Variants in ETV5 observed in about 807,000 individuals in gnomAD.
The protein encoded by ETV5 is ETS variant transcription factor 5.
Under a neutral mutation model 70.0 loss-of-function variants are expected in ETV5, and 10 were observed. The observed-to-expected ratio is 0.14, with a 90% confidence interval of 0.09 to 0.24. ETV5 has a LOEUF of 0.24. Ranked by LOEUF, ETV5 falls within the 10% of genes least tolerant of loss-of-function variation. The pLI is 1.00. For missense variants in ETV5, 453 were observed against 651.2 expected (o/e 0.70, Z 3.31); for synonymous variants, 216 against 242.2 (o/e 0.89, Z 1.01).
chr3:186,100,287 C>T (rs770221908), intron 5 of ETV5, among the ~76,000 whole-genome samples: 1 of 152,032 alleles, frequency 6.6e-6, no homozygotes, highest in African/African-American at 2.4e-5. Context: ...CCTTGTTTTC[C>T]CTCAAACCTC....
intron 9 of ETV5, among the ~76,000 whole-genome samples, chr3:186,062,363 T>C (rs148610994): frequency 7.4e-4 from 113 of 152,254 alleles, no homozygotes; most frequent in Non-Finnish European, 1.4e-3. Context: ...ATGGGGCAAA[T>C]AGAAACATCT....
chr3:186,054,872 G>A lies in ETV5; in HGVS notation c.1209+2203C>T, dbSNP rs538792064. On this transcript the variant is annotated intron_variant, in intron 11 of 12. Transcript: ENST00000306376. The surrounding 1 kb of genome is among the most constrained non-coding windows in gnomAD (Gnocchi z 4.4). ...TAACGTGCACATGTGGCACCCAACT[G>A]ATCCTGGGTGAAGAGAAAGGAACAT... is the stretch of plus-strand genomic sequence containing the variant. Among the ~76,000 whole-genome samples, 1 of 152,282 alleles carries A rather than the reference G, an allele frequency of 6.6e-6. No individual in the cohort carries two copies. The highest frequency in any genetic ancestry group is 2.1e-4 in the South Asian group (1 of 4,828).
Position 186,054,898 on chromosome 3 carries a change from T to C in ETV5, c.1209+2177A>G, listed in dbSNP as rs1259902776. ...ATCCTGGGTGAAGAGAAAGGAACAT[T>C]TGGAGCTTAGGGAAAGCTTGGGGAC... On this transcript the variant is annotated intron_variant, in intron 11 of 12. Coordinates refer to ENST00000306376, the MANE Select transcript of ETV5 (RefSeq NM_004454.3). The surrounding 1 kb of genome is among the most constrained non-coding windows in gnomAD (Gnocchi z 4.4). Among the ~76,000 whole-genome samples the C allele has an allele frequency of 2.6e-5, 4 of 152,172 alleles. No individual in the cohort carries two copies. In the Middle Eastern group the frequency reaches 0.01, roughly 388 times the overall value.
intron 5 of ETV5, among the ~76,000 whole-genome samples, chr3:186,095,912 T>C (rs1714291759): frequency 6.6e-6 from 1 of 152,166 alleles, no homozygotes; most frequent in Admixed American, 6.5e-5. Flanking sequence ...GCGGGCTGTA[T>C]GCACCAGGTG....
Position 186,065,896 on chromosome 3 carries a change from G to C in ETV5, c.827C>G (p.Pro276Arg). 6.2e-7 allele frequency: 1 copy of C among 1,613,828 alleles called. No individual in the cohort carries two copies. Among genetic ancestry groups the C allele is most frequent in the Non-Finnish European group, 8.5e-7 (1 of 1,179,928 alleles). ...GTGTGCTGGGGGCCCTGGCATGCCC[G>C]GGACCCCATGTTCATAGAGTGGGTC... is the stretch of plus-strand genomic sequence containing the variant. ...YHDPLYEHGV[P>R]GMPGPPAHGF... Residue 276 changes from proline (P) to arginine (R), a missense_variant, in exon 8 of 13, where the codon CCG becomes CGG. Transcript: ENST00000306376.
intron 5 of ETV5, among the ~76,000 whole-genome samples, chr3:186,086,584 C>T (rs1714062717): frequency 1.3e-5 from 2 of 152,072 alleles, no homozygotes; most frequent in Non-Finnish European, 2.9e-5. Context: ...GTAACTAAAA[C>T]AATGTGAAAT....
chr3:186,065,228 T>C (rs921972276), intron 8 of ETV5, among the ~76,000 whole-genome samples: 1 of 152,142 alleles, frequency 6.6e-6, no homozygotes, highest in Admixed American at 6.5e-5. Context: ...TGTCTTGCTT[T>C]AAGGGAGTGG....
Position 186,105,616 on chromosome 3 carries a change from C to G in ETV5, c.133+9G>C. 6.2e-7 allele frequency: 1 copy of G among 1,614,184 alleles called. No individual in the cohort carries two copies. Among genetic ancestry groups the G allele is most frequent in the Non-Finnish European group, 8.5e-7 (1 of 1,180,002 alleles). On this transcript the variant is annotated intron_variant, in intron 3 of 12. Transcript: ENST00000306376. The surrounding 1 kb of genome is among the most constrained non-coding windows in gnomAD (Gnocchi z 4.5). ...GAAGCCACAACATAATCAGGGAAAG[C>G]TTTACTACCTTCAGAATCGTGAGCC...
chr3:186,100,233 T>C (rs903847518), intron 5 of ETV5, among the ~76,000 whole-genome samples: 14 of 152,256 alleles, frequency 9.2e-5, no homozygotes, highest in Admixed American at 9.2e-4. Flanking sequence ...AGCATTCTTT[T>C]CTACCTTCAG....
chr3:186,084,193 G>A lies in ETV5; in HGVS notation c.233-3018C>T, dbSNP rs147202070. On this transcript the variant is annotated intron_variant, in intron 5 of 12. Transcript: ENST00000306376. ...CCTTTGCACAGCTGACTTGCTAAAT[G>A]ATGACAGAGACCCAGGACTATAAAG... 8.9e-6 allele frequency: 4 copies of A among 451,110 alleles called. No individual in the cohort carries two copies. In the East Asian group the frequency reaches 2.1e-4, roughly 24 times the overall value. The allele number at this position is 451,110 out of a possible 1,614,324, so 27.9% of individuals were successfully genotyped here.
At chr3:186,083,935 G>A (rs761685524) in intron 5 of ETV5, among the ~76,000 whole-genome samples, 51 of 152,204 alleles carry the variant, frequency 3.4e-4, no homozygotes, top group Non-Finnish European at 6.9e-4. Context: ...AGGTCTGTGG[G>A]ACTAGAGGAT....
Position 186,102,390 on chromosome 3 carries a change from T to C in ETV5, c.232+2915A>G, listed in dbSNP as rs547716159. The stretch of plus-strand genomic sequence containing the variant: ...GCTCACGCCTGTAATTCCAGCACTC[T>C]GGGAGGCTAAGGTGGGCGGATCACC... On this transcript the variant is annotated intron_variant, in intron 5 of 12. Transcript: ENST00000306376. 9.2e-5 allele frequency among the ~76,000 whole-genome samples: 14 copies of C among 152,208 alleles called. No individual in the cohort carries two copies. In the East Asian group the frequency reaches 2.5e-3, roughly 27 times the overall value.
chr3:186,048,573 A>G lies in ETV5; in HGVS notation c.*66T>C. ...AACAACCAAAAACACAAACAAAACCACTGCCCTTGTTTGCCTGAATGGGAA... is the reference window on the plus strand; with the variant it reads ...AACAACCAAAAACACAAACAAAACCGCTGCCCTTGTTTGCCTGAATGGGAA... On this transcript the variant is annotated 3_prime_UTR_variant, in exon 13 of 13. Transcript: ENST00000306376. The G allele has an allele frequency of 2.8e-6, 4 of 1,422,552 alleles. No individual in the cohort carries two copies. The highest frequency in any genetic ancestry group is 1.2e-5 in the South Asian group (1 of 85,130). 88.1% of individuals were successfully genotyped at this position (1,422,552 alleles called of 1,614,324 possible). A position where few individuals can be genotyped will look rare whatever the true frequency, so the allele number is the denominator to read the frequency against.
intron 7 of ETV5, among the ~76,000 whole-genome samples, chr3:186,073,041 A>G (rs558127714): frequency 5.9e-5 from 9 of 152,166 alleles, no homozygotes; most frequent in African/African-American, 2.2e-4. Context: ...CTAAGGCAGG[A>G]GAATCGTTTG....
intron 7 of ETV5, chr3:186,079,235 A>G (rs948620095): frequency 3.2e-6 from 1 of 314,448 alleles, no homozygotes. Context: ...TGACAAATGA[A>G]TGACTCTGGA....
At position 186,057,021 on chromosome 3, in the gene ETV5, C is replaced by T; in HGVS notation, c.1209+54G>A. ...CCTCAATGGAAATCTAAACAAAAAA[C>T]ATCATCAACAACAACAAATCAAAAC... On this transcript the variant is annotated intron_variant, in intron 11 of 12. Coordinates refer to ENST00000306376, the MANE Select transcript of ETV5 (RefSeq NM_004454.3). This position sits in a 1 kb window ranked among gnomAD's most constrained non-coding sequence, Gnocchi z 4.9. 1 of 1,580,220 alleles carries T rather than the reference C, an allele frequency of 6.3e-7. No individual in the cohort carries two copies. Among genetic ancestry groups the T allele is most frequent in the Non-Finnish European group, 8.6e-7 (1 of 1,158,378 alleles).
chr3:186,069,160 T>G (rs1713532306), intron 7 of ETV5, among the ~76,000 whole-genome samples: 1 of 152,206 alleles, frequency 6.6e-6, no homozygotes, highest in South Asian at 2.1e-4. Context: ...ATATACTGCC[T>G]TTACTACTCT....
intron 12 of ETV5, among the ~76,000 whole-genome samples, chr3:186,051,683 G>C (rs912381762): frequency 3.3e-5 from 5 of 152,208 alleles, no homozygotes; most frequent in Admixed American, 1.3e-4. Flanking sequence ...TTGAAGTAGA[G>C]ACCTTCAAGT....
intron 9 of ETV5, among the ~76,000 whole-genome samples, chr3:186,063,053 C>T (rs567532516): frequency 5.3e-5 from 8 of 152,250 alleles, no homozygotes; most frequent in African/African-American, 1.7e-4. Context: ...AGGTGGATCA[C>T]GAGGTCAGGA....
Sources: gnomAD v4.1 joint callset for allele counts (sites outside exome capture counted in the v4.1 genomes callset) on GRCh38, gnomAD v4.1.1 for gene constraint, Gnocchi (gnomAD v3.1) non-coding constraint, MANE v1.5 for transcripts, NCBI Gene and HGNC (gene_info 2026-07-23, HGNC 2026-07-21) for gene names.